STARD13: variants seen among roughly 807,000 people sequenced by gnomAD.
STARD13 encodes StAR related lipid transfer domain containing 13, also known as stAR-related lipid transfer protein 13.
STARD13 carries 62 observed loss-of-function variants against 106.4 expected under a neutral mutation model. The ratio of observed to expected loss-of-function variants is 0.58; its 90% confidence interval spans 0.48 to 0.72. The LOEUF (loss-of-function observed/expected upper bound fraction) is 0.72, where lower values mean the gene tolerates loss of function less well. STARD13 is among the 30% of genes least tolerant of loss of function. The pLI is 0.00. For synonymous variants in STARD13, 565 were observed against 553.0 expected (o/e 1.02, Z -0.31); for missense variants, 1,387 against 1,424.0 (o/e 0.97, Z 0.42).
intron 10 of STARD13, among the ~76,000 whole-genome samples, chr13:33,111,393 T>A (rs190108368): frequency 6.6e-6 from 1 of 152,366 alleles, no homozygotes; most frequent in East Asian, 1.9e-4. Context: ...TATCTGTGGC[T>A]GTATTCATAA....
chr13:33,643,911 T>A, the STARD13 span, among the ~76,000 whole-genome samples: 2 of 152,220 alleles, frequency 1.3e-5, no homozygotes, highest in African/African-American at 2.4e-5. Flanking sequence ...GATTCAAAAC[T>A]CCAGTTTGGA....
At chr13:33,369,937 TATC>T in the STARD13 span, among the ~76,000 whole-genome samples, 1 of 152,224 alleles carries the variant, frequency 6.6e-6, no homozygotes. Context: ...AAAGATAAAT[TATC>T]ATGATAGCTT....
At chr13:33,304,731 C>G (rs1892843662) in intron 1 of STARD13, among the ~76,000 whole-genome samples, 1 of 152,014 alleles carries the variant, frequency 6.6e-6, no homozygotes, top group South Asian at 2.1e-4. Flanking sequence ...ATTGCCTTGC[C>G]CACAAGTGAA....
Position 33,165,389 on chromosome 13 carries a change from C to T in STARD13, c.271G>A (p.Val91Ile), listed in dbSNP as rs1466555784. Residue 91 changes from valine to isoleucine, a missense_variant, in exon 3 of 14, where the codon GTC becomes ATC. Physicochemically the swap from Val to Ile is conservative, Grantham distance 29. Transcript: ENST00000336934. The part of the protein sequence containing the change: ...DSQFPINIVA[V>I]KNDHDFLEKD... Reference sequence around the variant, plus strand: ...TCAAGAAAATCATGATCATTCTTGACAGCCACAATGTTGATGGGAAATTGT... The same window carrying T: ...TCAAGAAAATCATGATCATTCTTGATAGCCACAATGTTGATGGGAAATTGT... 6.2e-7 allele frequency: 1 copy of T among 1,613,830 alleles called. No homozygotes were observed. The highest frequency in any genetic ancestry group is 1.1e-5 in the South Asian group (1 of 91,060).
the STARD13 span, among the ~76,000 whole-genome samples, chr13:33,646,756 A>G: frequency 0.025 from 3,837 of 152,266 alleles, 156 homozygotes; most frequent in African/African-American, 0.088. Context: ...GAGAGTGTTA[A>G]GATATTACAT....
chr13:33,318,797 T>A (rs933225837), intron 1 of STARD13, among the ~76,000 whole-genome samples: 2 of 152,036 alleles, frequency 1.3e-5, no homozygotes, highest in African/African-American at 4.8e-5. Context: ...CAAATGCACA[T>A]GAAAAGATGC....
chr13:33,545,251 C>T, the STARD13 span, among the ~76,000 whole-genome samples: 2 of 151,780 alleles, frequency 1.3e-5, no homozygotes, highest in African/African-American at 2.4e-5. Context: ...TGAGCCACCG[C>T]GCCTGGCCTA....
chr13:33,256,016 A>G (rs541186722), intron 1 of STARD13, among the ~76,000 whole-genome samples: 1 of 152,382 alleles, frequency 6.6e-6, no homozygotes, highest in African/African-American at 2.4e-5. Flanking sequence ...TAAGTTGATT[A>G]TCTTCATCTG....
At chr13:33,216,367 T>C (rs1371951450) in intron 1 of STARD13, among the ~76,000 whole-genome samples, 1 of 152,240 alleles carries the variant, frequency 6.6e-6, no homozygotes, top group African/African-American at 2.4e-5. Context: ...ATATATACGA[T>C]AGAATACTAC....
chr13:33,399,890 T>C, the STARD13 span, among the ~76,000 whole-genome samples: 2 of 151,954 alleles, frequency 1.3e-5, no homozygotes, highest in Admixed American at 6.6e-5. Flanking sequence ...GGCAAAGGGG[T>C]ACAAGGCAAC....
intron 1 of STARD13, among the ~76,000 whole-genome samples, chr13:33,269,670 C>T (rs1409519103): frequency 6.6e-6 from 1 of 152,152 alleles, no homozygotes; most frequent in African/African-American, 2.4e-5. Flanking sequence ...CAGTACCTTT[C>T]ACTTTAAAAG....
chr13:33,564,221 A>G, the STARD13 span, among the ~76,000 whole-genome samples: 15 of 142,282 alleles, frequency 1.1e-4, 1 homozygote, highest in South Asian at 1.1e-3. Context: ...AAAAAAAAAA[A>G]AAAAAAGAAA....
the STARD13 span, among the ~76,000 whole-genome samples, chr13:33,490,919 GC>G: frequency 2.0e-5 from 3 of 152,182 alleles, no homozygotes; most frequent in African/African-American, 7.2e-5. Context: ...CAAAGTGCTC[GC>G]CCTGGCCTCT....
the STARD13 span, among the ~76,000 whole-genome samples, chr13:33,395,378 A>T: frequency 6.6e-6 from 1 of 152,174 alleles, no homozygotes; most frequent in Non-Finnish European, 1.5e-5. Flanking sequence ...TACCAGCTTA[A>T]ATCCATTTTG....
the STARD13 span, among the ~76,000 whole-genome samples, chr13:33,631,777 G>C: frequency 6.6e-6 from 1 of 152,048 alleles, no homozygotes; most frequent in African/African-American, 2.4e-5. Context: ...AAATACAAAA[G>C]CTTCTAGTAT....
At chr13:33,263,101 A>G (rs1325546462) in intron 1 of STARD13, among the ~76,000 whole-genome samples, 1 of 152,184 alleles carries the variant, frequency 6.6e-6, no homozygotes, top group Non-Finnish European at 1.5e-5. Flanking sequence ...TTTTATTAGA[A>G]GGATTATAAA....
the STARD13 span, among the ~76,000 whole-genome samples, chr13:33,616,268 C>T: frequency 2.7e-5 from 4 of 149,052 alleles, no homozygotes; most frequent in Admixed American, 2.0e-4. Context: ...GGAAGGGGAG[C>T]AGGGAAGGGA....
At chr13:33,485,525 T>A in the STARD13 span, among the ~76,000 whole-genome samples, 1 of 152,154 alleles carries the variant, frequency 6.6e-6, no homozygotes, top group African/African-American at 2.4e-5. Flanking sequence ...TAAAGTAATT[T>A]CCAGCCCTGA....
chr13:33,443,180 A>G, the STARD13 span, among the ~76,000 whole-genome samples: 2 of 151,990 alleles, frequency 1.3e-5, no homozygotes, highest in Non-Finnish European at 2.9e-5. Flanking sequence ...AGATGAGACC[A>G]TCCTGGCTAA....
Sources: gnomAD v4.1 joint callset for allele counts (sites outside exome capture counted in the v4.1 genomes callset) on GRCh38, gnomAD v4.1.1 for gene constraint, MANE v1.5 for transcripts, NCBI Gene and HGNC (gene_info 2026-07-23, HGNC 2026-07-21) for gene names.